The following ZC3H12B variants were observed in gnomAD, a reference collection of about 807,000 sequenced individuals.
ZC3H12B encodes probable ribonuclease ZC3H12B.
In ZC3H12B, 7 loss-of-function variants were observed where a neutral mutation model predicts 43.9. The ratio of observed to expected loss-of-function variants is 0.16; its 90% CI spans 0.09 to 0.30. The LOEUF (loss-of-function observed/expected upper bound fraction) is 0.30, where lower values mean the gene tolerates loss of function less well. Among genes scored for constraint, ZC3H12B ranks in the 10% least tolerant of loss-of-function variants. The probability of loss-of-function intolerance (pLI) is 1.00; values close to 1 mark genes in which losing one functional copy is unlikely to be tolerated. For missense variants in ZC3H12B, 475 were observed against 670.2 expected, an observed-to-expected ratio of 0.71 and a Z score of 3.22; for synonymous variants, 222 against 241.7, an observed-to-expected ratio of 0.92 and a Z score of 0.76.
the ZC3H12B span, among the ~76,000 whole-genome samples, chrX:65,231,353 T>G: frequency 9.0e-6 from 1 of 111,308 alleles, no homozygotes; most frequent in Admixed American, 9.6e-5. Flanking sequence ...GCATGCATTA[T>G]CTTGATAAAC....
At chrX:65,241,488 C>T in the ZC3H12B span, among the ~76,000 whole-genome samples, 2 of 111,742 alleles carry the variant, frequency 1.8e-5, no homozygotes, top group African/African-American at 3.3e-5. Flanking sequence ...GATCAGAGTT[C>T]TGTTTGTATA....
chrX:65,181,952 C>T, the ZC3H12B span, among the ~76,000 whole-genome samples: 3 of 111,519 alleles, frequency 2.7e-5, no homozygotes, highest in East Asian at 2.8e-4. Flanking sequence ...AATATGTGCA[C>T]GTATGTCTAT....
chrX:65,149,552 T>G, the ZC3H12B span, among the ~76,000 whole-genome samples: 2 of 109,217 alleles, frequency 1.8e-5, no homozygotes, highest in African/African-American at 6.7e-5. Context: ...GATCCCGAGG[T>G]CAGATCAAGA....
the ZC3H12B span, among the ~76,000 whole-genome samples, chrX:65,120,608 A>G: frequency 9.0e-6 from 1 of 111,217 alleles, no homozygotes; most frequent in East Asian, 2.9e-4. Flanking sequence ...GGACAATTTG[A>G]CTTCCTTTTT....
intron 2 of ZC3H12B, among the ~76,000 whole-genome samples, chrX:65,379,792 A>C (rs748998430): frequency 1.8e-5 from 2 of 112,619 alleles, no homozygotes; most frequent in Non-Finnish European, 3.7e-5. Flanking sequence ...AACAAGGCTC[A>C]AGAACTACGT....
the ZC3H12B span, among the ~76,000 whole-genome samples, chrX:65,080,008 A>G: frequency 1.8e-5 from 2 of 110,848 alleles, no homozygotes; most frequent in Admixed American, 9.6e-5. Context: ...TTTATCTCAG[A>G]TATATTTAAC....
At chrX:65,348,924 G>C in the ZC3H12B span, among the ~76,000 whole-genome samples, 1 of 111,158 alleles carries the variant, frequency 9.0e-6, no homozygotes, top group African/African-American at 3.3e-5. Flanking sequence ...AATAGTGGGA[G>C]ACTTTAACAC....
chrX:65,367,535 T>C (rs1474342488), intron 1 of ZC3H12B, among the ~76,000 whole-genome samples: 2 of 111,923 alleles, frequency 1.8e-5, no homozygotes, highest in Admixed American at 1.9e-4. Flanking sequence ...TCTAATAATT[T>C]CAGATTAAAT....
chrX:65,212,679 A>T, the ZC3H12B span, among the ~76,000 whole-genome samples: 3 of 88,707 alleles, frequency 3.4e-5, no homozygotes, highest in African/African-American at 4.2e-5. Flanking sequence ...TATATGATTT[A>T]TATATCATAT....
In ZC3H12B at chrX:65,408,526, G is replaced by T. The variant is rs919783481; in HGVS notation, n.407+9822G>T. ...CAGTTCCCCTTACGCCTCACCCTTC[G>T]GGACTTCAGCCTCCTGGAATCCCGC... On this transcript the variant is annotated intron_variant and non_coding_transcript_variant, in intron 3 of 5. Transcript: ENST00000617377. 219 of 1,204,312 alleles carry T rather than the reference G, an allele frequency of 1.8e-4. 2 individuals are homozygous for T. The African/African-American group carries it at 3.5e-3, about 19-fold the overall frequency.
At chrX:65,204,555 C>T in the ZC3H12B span, among the ~76,000 whole-genome samples, 1 of 111,835 alleles carries the variant, frequency 8.9e-6, no homozygotes, top group Non-Finnish European at 1.9e-5. Context: ...CCTACAAATA[C>T]ACAACACAAA....
chrX:65,079,978 A>G, the ZC3H12B span, among the ~76,000 whole-genome samples: 1 of 111,297 alleles, frequency 9.0e-6, no homozygotes, highest in Non-Finnish European at 1.9e-5. Context: ...ATTGAAGATA[A>G]CATGGAGTTG....
the ZC3H12B span, among the ~76,000 whole-genome samples, chrX:65,164,048 A>G: frequency 8.9e-6 from 1 of 111,939 alleles, no homozygotes; most frequent in Non-Finnish European, 1.9e-5. Context: ...GCCCTGAAAA[A>G]TCAATACACT....
chrX:65,201,679 T>C, the ZC3H12B span, among the ~76,000 whole-genome samples: 1 of 93,214 alleles, frequency 1.1e-5, no homozygotes, highest in African/African-American at 4.0e-5. Flanking sequence ...TCTCTCTCTC[T>C]CCAGGATTGG....
the ZC3H12B span, among the ~76,000 whole-genome samples, chrX:65,095,731 T>C: frequency 2.7e-5 from 3 of 111,831 alleles, no homozygotes; most frequent in Non-Finnish European, 5.6e-5. Flanking sequence ...TGGGGTTTTA[T>C]GAGTTTAACT....
At chrX:65,377,596 G>A (rs749479852) in intron 2 of ZC3H12B, among the ~76,000 whole-genome samples, 13 of 110,583 alleles carry the variant, frequency 1.2e-4, no homozygotes, top group South Asian at 7.6e-4. Flanking sequence ...CACCTTGCAA[G>A]CAACAAAAGA....
the ZC3H12B span, among the ~76,000 whole-genome samples, chrX:65,140,392 C>A: frequency 1.8e-5 from 2 of 111,520 alleles, no homozygotes; most frequent in African/African-American, 6.5e-5. Flanking sequence ...TGTGGCATAT[C>A]AAATTTATAA....
chrX:65,265,450 G>A, the ZC3H12B span, among the ~76,000 whole-genome samples: 1 of 112,094 alleles, frequency 8.9e-6, no homozygotes, highest in African/African-American at 3.2e-5. Flanking sequence ...CAGCCAGGTG[G>A]CAGCCTTTAT....
At chrX:65,186,148 A>G in the ZC3H12B span, 1 of 111,467 alleles carries the variant, frequency 9.0e-6, no homozygotes, top group South Asian at 3.7e-4. Context: ...TCACAGTGAC[A>G]TCAACAGAAC....
Sources: allele counts gnomAD v4.1 joint callset (sites outside exome capture counted in the v4.1 genomes callset), GRCh38; gene constraint gnomAD v4.1.1; transcripts MANE v1.5; gene names NCBI Gene and HGNC (gene_info 2026-07-23, HGNC 2026-07-21).